Variants in MAML2 observed in about 807,000 individuals in gnomAD.
The protein encoded by MAML2 is mastermind like transcriptional coactivator 2, also known as mastermind-like protein 2.
MAML2 carries 22 observed loss-of-function variants against 96.1 expected under a neutral mutation model. That is an observed-to-expected ratio of 0.23 (90% CI 0.16 to 0.33). MAML2 has a LOEUF of 0.33. Ranked by LOEUF, MAML2 falls within the 10% of genes least tolerant of loss-of-function variation. MAML2 has a pLI of 1.00. For missense variants in MAML2, 1,367 were observed against 1,392.4 expected, an observed-to-expected ratio of 0.98 and a Z score of 0.29; for synonymous variants, 561 against 521.3, an observed-to-expected ratio of 1.08 and a Z score of -1.04.
At chr11:96,121,950 C>CTTTTTTTTTTTTTGTTT (rs1860352400) in intron 1 of MAML2, among the ~76,000 whole-genome samples, 1 of 56,830 alleles carries the variant, frequency 1.8e-5, no homozygotes, top group Non-Finnish European at 3.0e-5. Context: ...CCACGCCCGG[C>CTTTTTTTTTTTTTGTTT]TTTTTTTTTT....
chr11:96,141,924 G>A (rs536525459), intron 1 of MAML2, among the ~76,000 whole-genome samples: 1 of 152,324 alleles, frequency 6.6e-6, no homozygotes, highest in South Asian at 2.1e-4. Flanking sequence ...TCTGAGGCAG[G>A]ATGAGAGAAA....
At chr11:96,340,174 G>C (rs1055459161) in intron 1 of MAML2, among the ~76,000 whole-genome samples, 1 of 152,230 alleles carries the variant, frequency 6.6e-6, no homozygotes, top group African/African-American at 2.4e-5. Context: ...TGAGCGTCTG[G>C]CCAGAGGATG....
chr11:96,135,544 G>GCTTT (rs2135860297), intron 1 of MAML2, among the ~76,000 whole-genome samples: 1 of 51,938 alleles, frequency 1.9e-5, no homozygotes, highest in East Asian at 4.3e-3. Context: ...CCAATCCAAG[G>GCTTT]CTTTTTTTTT....
At chr11:96,132,866 C>T (rs1448403711) in intron 1 of MAML2, among the ~76,000 whole-genome samples, 1 of 152,184 alleles carries the variant, frequency 6.6e-6, no homozygotes, top group African/African-American at 2.4e-5. Context: ...ATATTAGTCT[C>T]TTCTGAGTTT....
At chr11:96,239,601 G>A (rs1185271443) in intron 1 of MAML2, among the ~76,000 whole-genome samples, 5 of 151,452 alleles carry the variant, frequency 3.3e-5, no homozygotes, top group African/African-American at 9.7e-5. Context: ...AAGTACAGGC[G>A]AATCAAGAAA....
chr11:95,999,306 T>TA (rs1442439502), intron 2 of MAML2, among the ~76,000 whole-genome samples: 3 of 152,270 alleles, frequency 2.0e-5, no homozygotes, highest in African/African-American at 7.2e-5. Context: ...GAGAGATCTT[T>TA]AAAAAAGATG....
In MAML2 at chr11:95,978,739, G is replaced by T; in HGVS notation, c.*209C>A. 3.6e-6 allele frequency: 2 copies of T among 552,200 alleles called. No homozygotes were observed. Among genetic ancestry groups the T allele is most frequent in the African/African-American group, 1.9e-5 (1 of 52,930 alleles). The allele number at this position is 552,200 out of a possible 1,614,324, so 34.2% of individuals were successfully genotyped here. Reference sequence around the variant, plus strand: ...TATCCTGGAGTTTAGACAGGGAAAAGTGATCCCAATATTTTACTTTCAGGT... The same window carrying T: ...TATCCTGGAGTTTAGACAGGGAAAATTGATCCCAATATTTTACTTTCAGGT... On this transcript the variant is annotated 3_prime_UTR_variant, in exon 5 of 5. Coordinates refer to ENST00000524717, the MANE Select transcript of MAML2 (RefSeq NM_032427.4).
chr11:96,106,457 G>C (rs1036784328), intron 1 of MAML2, among the ~76,000 whole-genome samples: 1 of 152,166 alleles, frequency 6.6e-6, no homozygotes, highest in Admixed American at 6.5e-5. Flanking sequence ...TCTTAAAGGA[G>C]AGACAGCAGA....
At chr11:96,091,412 T>C (rs910089313) in intron 2 of MAML2, among the ~76,000 whole-genome samples, 3 of 152,322 alleles carry the variant, frequency 2.0e-5, no homozygotes, top group South Asian at 4.2e-4. Flanking sequence ...AGGATCATTA[T>C]GATCATTGGG....
At chr11:96,090,831 C>T (rs1262692615) in intron 2 of MAML2, among the ~76,000 whole-genome samples, 1 of 152,150 alleles carries the variant, frequency 6.6e-6, no homozygotes, top group Non-Finnish European at 1.5e-5. Context: ...GCATTCTTTT[C>T]TGGGCAATAG....
intron 1 of MAML2, among the ~76,000 whole-genome samples, chr11:96,225,451 C>G (rs1862197773): frequency 1.3e-5 from 2 of 152,174 alleles, no homozygotes; most frequent in Non-Finnish European, 2.9e-5. Flanking sequence ...CCAGAACCAC[C>G]CAGCTAAGTT....
intron 1 of MAML2, among the ~76,000 whole-genome samples, chr11:96,277,548 T>C (rs1863006882): frequency 6.6e-6 from 1 of 152,056 alleles, no homozygotes; most frequent in East Asian, 1.9e-4. Context: ...GATCAGGAGT[T>C]TGAGACCAGC....
chr11:96,221,783 C>T (rs1011718157), intron 1 of MAML2, among the ~76,000 whole-genome samples: 1 of 136,612 alleles, frequency 7.3e-6, no homozygotes, highest in African/African-American at 2.8e-5. Context: ...TAATAGAAAA[C>T]AGCTAAAATG....
chr11:96,136,214 C>T (rs1037291287), intron 1 of MAML2, among the ~76,000 whole-genome samples: 1 of 152,184 alleles, frequency 6.6e-6, no homozygotes, highest in Non-Finnish European at 1.5e-5. Context: ...ACTTTTCCCA[C>T]TTACCATCAG....
intron 2 of MAML2, among the ~76,000 whole-genome samples, chr11:96,070,848 C>A (rs570282899): frequency 6.6e-6 from 1 of 152,382 alleles, no homozygotes; most frequent in East Asian, 1.9e-4. Flanking sequence ...ATGGGATGCA[C>A]ACAGCTATGT....
At chr11:96,257,656 A>G (rs1443116924) in intron 1 of MAML2, among the ~76,000 whole-genome samples, 1 of 152,158 alleles carries the variant, frequency 6.6e-6, no homozygotes, top group Non-Finnish European at 1.5e-5. Flanking sequence ...CCCCCTTTTT[A>G]TCATGTGCAT....
At chr11:96,069,955 C>A (rs1269050202) in intron 2 of MAML2, among the ~76,000 whole-genome samples, 1 of 150,986 alleles carries the variant, frequency 6.6e-6, no homozygotes, top group East Asian at 2.0e-4. Context: ...ACCTGAGAGG[C>A]GGAGGTTGCA....
intron 1 of MAML2, among the ~76,000 whole-genome samples, chr11:96,256,622 TC>T (rs1393876937): frequency 2.6e-5 from 4 of 152,220 alleles, no homozygotes; most frequent in Admixed American, 2.6e-4. Context: ...GTGCTTGTCT[TC>T]CCATGTTACA....
intron 1 of MAML2, among the ~76,000 whole-genome samples, chr11:96,217,549 G>T (rs1778196856): frequency 6.6e-6 from 1 of 152,160 alleles, no homozygotes; most frequent in African/African-American, 2.4e-5. Flanking sequence ...TTTGCTCTAT[G>T]GTTTCCTATT....
Sources: allele counts gnomAD v4.1 joint callset (sites outside exome capture counted in the v4.1 genomes callset), GRCh38; gene constraint gnomAD v4.1.1; transcripts MANE v1.5; gene names NCBI Gene and HGNC (gene_info 2026-07-23, HGNC 2026-07-21).